The following KCNIP4 variants were observed in gnomAD, a reference collection of about 807,000 sequenced individuals.
KCNIP4 encodes the protein Kv channel-interacting protein 4.
Under a neutral mutation model 34.0 loss-of-function variants are expected in KCNIP4, and 12 were observed. The observed-to-expected ratio is 0.35, with a 90% confidence interval of 0.23 to 0.57. The LOEUF (loss-of-function observed/expected upper bound fraction) is 0.57, where lower values mean the gene tolerates loss of function less well. Among genes scored for constraint, KCNIP4 ranks in the 20% least tolerant of loss-of-function variants. The pLI, the probability that KCNIP4 is intolerant of heterozygous loss-of-function variation, is 0.83. For missense variants in KCNIP4, 238 were observed against 311.7 expected, an observed-to-expected ratio of 0.76 and a Z score of 1.78; for synonymous variants, 124 against 102.2, an observed-to-expected ratio of 1.21 and a Z score of -1.29.
At chr4:20,778,341 A>G (rs894005471) in intron 3 of KCNIP4, among the ~76,000 whole-genome samples, 1 of 152,232 alleles carries the variant, frequency 6.6e-6, no homozygotes, top group African/African-American at 2.4e-5. Flanking sequence ...CAATATTTGT[A>G]GAACCTTAAA....
At chr4:21,226,317 G>A (rs1758390273) in intron 1 of KCNIP4, among the ~76,000 whole-genome samples, 1 of 132,802 alleles carries the variant, frequency 7.5e-6, no homozygotes, top group Non-Finnish European at 1.5e-5. Context: ...AGAGAGGAAA[G>A]AAAGGGAAGG....
intron 1 of KCNIP4, among the ~76,000 whole-genome samples, chr4:21,550,532 T>C (rs1202972122): frequency 6.6e-6 from 1 of 152,106 alleles, no homozygotes; most frequent in African/African-American, 2.4e-5. Flanking sequence ...CAGCTGCTGC[T>C]AAAACCAGCT....
Position 21,381,472 on chromosome 4 carries a change from C to T in KCNIP4, c.62-498763G>A, listed in dbSNP as rs149003131. ...AAATACTTGGCATTCTTGGCTCATT[C>T]ATGTACATAGAAAAGATATGTAGCA... On this transcript the variant is annotated intron_variant, in intron 1 of 8. Coordinates refer to ENST00000382152, the MANE Select transcript of KCNIP4 (RefSeq NM_025221.6). 4.7e-3 allele frequency among the ~76,000 whole-genome samples: 714 copies of T among 152,240 alleles called. 8 individuals carry two copies. Among genetic ancestry groups the T allele is most frequent in the African/African-American group, 0.017 (694 of 41,526 alleles).
intron 1 of KCNIP4, among the ~76,000 whole-genome samples, chr4:21,361,988 C>G (rs138406691): frequency 6.6e-6 from 1 of 152,012 alleles, no homozygotes; most frequent in Non-Finnish European, 1.5e-5. Context: ...CTTAGCAAAA[C>G]CCCAAAGAAG....
chr4:20,884,306 C>T (rs1577312870), intron 1 of KCNIP4, among the ~76,000 whole-genome samples: 2 of 152,038 alleles, frequency 1.3e-5, no homozygotes. Flanking sequence ...TTTCCTGCAC[C>T]TATCAGCCCA....
At chr4:21,474,705 A>G (rs1213636444) in intron 1 of KCNIP4, among the ~76,000 whole-genome samples, 1 of 152,114 alleles carries the variant, frequency 6.6e-6, no homozygotes, top group Non-Finnish European at 1.5e-5. Context: ...CATTAAAAAT[A>G]ATTAAAATCG....
At chr4:21,306,361 C>T (rs1211257021) in intron 1 of KCNIP4, among the ~76,000 whole-genome samples, 1 of 152,214 alleles carries the variant, frequency 6.6e-6, no homozygotes, top group Non-Finnish European at 1.5e-5. Flanking sequence ...TGATCCCCCA[C>T]ACTGTTTTGT....
chr4:20,743,148 T>C lies in KCNIP4; in HGVS notation c.429+6514A>G, dbSNP rs190062279. Among the ~76,000 whole-genome samples, 354 of 152,214 alleles carry C rather than the reference T, an allele frequency of 2.3e-3. 8 individuals are homozygous for C. The South Asian group carries it at 0.046, about 20-fold the overall frequency. ...CAAACAAATGGAAGAACATTCCATG[T>C]TCATGGATAGGAAGAATCCATATCG... On this transcript the variant is annotated intron_variant, in intron 5 of 8. Coordinates refer to ENST00000382152, the MANE Select transcript of KCNIP4 (RefSeq NM_025221.6).
chr4:21,684,047 C>T (rs1057382671), intron 1 of KCNIP4, among the ~76,000 whole-genome samples: 1 of 151,904 alleles, frequency 6.6e-6, no homozygotes, highest in Non-Finnish European at 1.5e-5. Flanking sequence ...TATCTGGCTG[C>T]TGAAATTCCA....
At position 20,729,765 on chromosome 4, in the gene KCNIP4, C is replaced by G. The variant is rs1747460674; in HGVS notation, c.*317G>C. On this transcript the variant is annotated 3_prime_UTR_variant, in exon 9 of 9. Transcript: ENST00000382152. ...AAAAAACACTGATATTTTAAAATCA[C>G]TGATATGTGAAAGCCTCAATAATCC... 8.4e-6 allele frequency: 2 copies of G among 236,986 alleles called. No individual in the cohort carries two copies. Among genetic ancestry groups the G allele is most frequent in the Admixed American group, 1.1e-4 (2 of 18,046 alleles). The allele number at this position is 236,986 out of a possible 1,614,324, so 14.7% of individuals were successfully genotyped here. A position where few individuals can be genotyped will look rare whatever the true frequency, so the allele number is the denominator to read the frequency against.
At chr4:21,072,698 T>C (rs1453296926) in intron 1 of KCNIP4, among the ~76,000 whole-genome samples, 3 of 152,174 alleles carry the variant, frequency 2.0e-5, no homozygotes, top group African/African-American at 7.2e-5. Context: ...GCTTTTCGTG[T>C]TTTAAACATG....
intron 1 of KCNIP4, among the ~76,000 whole-genome samples, chr4:21,914,638 G>A (rs1047106803): frequency 4.6e-5 from 7 of 152,034 alleles, no homozygotes; most frequent in African/African-American, 1.7e-4. Flanking sequence ...ATCCTAGGCC[G>A]ATCTTGATTA....
intron 1 of KCNIP4, among the ~76,000 whole-genome samples, chr4:21,909,866 C>T (rs879676883): frequency 9.9e-5 from 15 of 152,024 alleles, no homozygotes; most frequent in Admixed American, 2.6e-4. Context: ...TCAGATAGAT[C>T]TCATGAGACT....
At chr4:20,798,235 T>G (rs1476838704) in intron 3 of KCNIP4, among the ~76,000 whole-genome samples, 1 of 152,216 alleles carries the variant, frequency 6.6e-6, no homozygotes, top group Admixed American at 6.5e-5. Flanking sequence ...TTACTGTTCC[T>G]AAACATTATC....
chr4:21,716,185 T>C (rs1029879637), intron 1 of KCNIP4, among the ~76,000 whole-genome samples: 2 of 152,180 alleles, frequency 1.3e-5, no homozygotes, highest in African/African-American at 2.4e-5. Flanking sequence ...CCCAAGTCTA[T>C]GAGCAAAGTG....
chr4:21,639,203 C>A (rs1194111008), intron 1 of KCNIP4, among the ~76,000 whole-genome samples: 4 of 152,050 alleles, frequency 2.6e-5, no homozygotes, highest in Non-Finnish European at 5.9e-5. Flanking sequence ...CTTCTATTTT[C>A]TTATGCTGCC....
At chr4:20,858,211 CAAAAAAAAAAAAAAAA>C (rs778798968) in intron 2 of KCNIP4, among the ~76,000 whole-genome samples, 44 of 70,728 alleles carry the variant, frequency 6.2e-4, no homozygotes, top group Admixed American at 7.4e-4. Flanking sequence ...AACTCCATCT[CAAAAAAAAAAAAAAAA>C]AAAAAAAAAA....
intron 1 of KCNIP4, among the ~76,000 whole-genome samples, chr4:21,220,592 CT>C (rs1158440500): frequency 6.6e-6 from 1 of 151,740 alleles, no homozygotes; most frequent in Non-Finnish European, 1.5e-5. Flanking sequence ...AAGAAGTTCT[CT>C]TTTTTTACAG....
Position 21,089,496 on chromosome 4 carries a change from C to T in KCNIP4, c.62-206787G>A, listed in dbSNP as rs191173923. 1.6e-4 allele frequency among the ~76,000 whole-genome samples: 24 copies of T among 152,234 alleles called. No individual in the cohort carries two copies. The East Asian group carries it at 4.4e-3, about 28-fold the overall frequency. ...AATGTGAGAATGAACTAATACAGCA[C>T]TGAATCTAAGATGTCATCAATGGTA... On this transcript the variant is annotated intron_variant, in intron 1 of 8. Transcript: ENST00000382152.
Sources: allele counts gnomAD v4.1 joint callset (sites outside exome capture counted in the v4.1 genomes callset), GRCh38; gene constraint gnomAD v4.1.1; transcripts MANE v1.5; gene names NCBI Gene and HGNC (gene_info 2026-07-23, HGNC 2026-07-21).